The following PCDH11X variants were observed in gnomAD, a reference collection of about 807,000 sequenced individuals.
PCDH11X encodes protocadherin-11 X-linked.
Under a neutral mutation model 53.3 loss-of-function variants are expected in PCDH11X, and 18 were observed. That is an observed-to-expected ratio of 0.34 (90% CI 0.23 to 0.50). The LOEUF is 0.50. PCDH11X is among the 20% of genes least tolerant of loss of function. The pLI is 0.98. For synonymous variants in PCDH11X, 279 were observed against 393.3 expected (o/e 0.71, Z 3.44); for missense variants, 570 against 1,032.4 (o/e 0.55, Z 6.14).
In PCDH11X at chrX:92,473,895, T is replaced by C. The variant is rs141187169; in HGVS notation, c.3367+5573T>C. On this transcript the variant is annotated intron_variant, in intron 10 of 10. Coordinates refer to ENST00000682573, the MANE Select transcript of PCDH11X (RefSeq NM_032968.5). ...GACCTTTCCTTGAGAATGATCTATT[T>C]GCTGAGGAGAAAAATGTGTATTCTG... Among the ~76,000 whole-genome samples, 461 of 111,865 alleles carry C rather than the reference T, an allele frequency of 4.1e-3. 4 individuals carry two copies. In the South Asian group the frequency reaches 0.046, roughly 11 times the overall value.
At chrX:91,943,277 T>A (rs2061532086) in intron 6 of PCDH11X, among the ~76,000 whole-genome samples, 1 of 106,238 alleles carries the variant, frequency 9.4e-6, no homozygotes, top group East Asian at 3.0e-4. Flanking sequence ...TAATGATGTG[T>A]CAGTGTAGGT....
chrX:92,316,014 A>AC (rs2069067533), intron 8 of PCDH11X, among the ~76,000 whole-genome samples: 2 of 62,971 alleles, frequency 3.2e-5, no homozygotes, highest in Non-Finnish European at 2.9e-5. Context: ...CAACATGAAT[A>AC]TTACATTAAT....
At chrX:92,032,133 A>AT (rs34381302) in intron 6 of PCDH11X, among the ~76,000 whole-genome samples, 15 of 110,858 alleles carry the variant, frequency 1.4e-4, no homozygotes, top group Non-Finnish European at 1.9e-4. Context: ...ATGTCTTTCC[A>AT]TTTTTTTTGT....
intron 6 of PCDH11X, among the ~76,000 whole-genome samples, chrX:92,147,440 C>T (rs1319673932): frequency 2.7e-5 from 3 of 111,426 alleles, no homozygotes; most frequent in Non-Finnish European, 3.8e-5. Context: ...GAAAGGAAAA[C>T]GTCTTCACTG....
chrX:92,449,659 A>G (rs977520202), intron 9 of PCDH11X, among the ~76,000 whole-genome samples: 5 of 111,407 alleles, frequency 4.5e-5, no homozygotes, highest in Non-Finnish European at 5.7e-5. Context: ...TGAATCATAC[A>G]TGAGAGCTCA....
intron 6 of PCDH11X, among the ~76,000 whole-genome samples, chrX:91,900,868 T>C (rs1940926070): frequency 9.0e-6 from 1 of 111,593 alleles, no homozygotes; most frequent in Non-Finnish European, 1.9e-5. Context: ...TGGCACTTAA[T>C]TAAGGAAACT....
intron 9 of PCDH11X, among the ~76,000 whole-genome samples, chrX:92,465,811 G>A (rs1442306022): frequency 9.0e-6 from 1 of 110,545 alleles, no homozygotes; most frequent in Non-Finnish European, 1.9e-5. Context: ...TCTTTAAAAT[G>A]TATGTTTTCT....
At chrX:91,919,918 A>G (rs1423137142) in intron 6 of PCDH11X, among the ~76,000 whole-genome samples, 1 of 111,746 alleles carries the variant, frequency 8.9e-6, no homozygotes, top group East Asian at 2.8e-4. Flanking sequence ...ATATTTTTCA[A>G]ATAAATAACT....
intron 6 of PCDH11X, among the ~76,000 whole-genome samples, chrX:92,155,764 C>A (rs1347224481): frequency 9.1e-6 from 1 of 109,309 alleles, no homozygotes; most frequent in African/African-American, 3.3e-5. Context: ...GTAGCTGGGA[C>A]TACAGGGGCC....
chrX:92,498,519 A>C, intron 10 of PCDH11X, among the ~76,000 whole-genome samples: 1 of 110,538 alleles, frequency 9.0e-6, no homozygotes, highest in Non-Finnish European at 1.9e-5. Context: ...TCTGCTGCCC[A>C]GTTTCTTAAA....
intron 6 of PCDH11X, among the ~76,000 whole-genome samples, chrX:91,905,100 TA>T (rs1941103285): frequency 1.8e-5 from 1 of 56,023 alleles, no homozygotes; most frequent in African/African-American, 6.3e-5. Context: ...CTTTTTTGTT[TA>T]TTATTATTAT....
At chrX:92,190,861 A>G (rs2148306823) in intron 6 of PCDH11X, among the ~76,000 whole-genome samples, 1 of 111,723 alleles carries the variant, frequency 9.0e-6, no homozygotes, top group South Asian at 3.7e-4. Flanking sequence ...TAAACTGAAG[A>G]ACTTTTCACT....
intron 6 of PCDH11X, among the ~76,000 whole-genome samples, chrX:92,146,019 T>C (rs1042892847): frequency 9.4e-6 from 1 of 106,587 alleles, no homozygotes; most frequent in African/African-American, 3.4e-5. Flanking sequence ...GCAAATGTGC[T>C]TTGCACATAA....
chrX:92,581,479 C>T (rs753075141), intron 10 of PCDH11X, among the ~76,000 whole-genome samples: 1 of 112,012 alleles, frequency 8.9e-6, no homozygotes, highest in South Asian at 3.8e-4. Context: ...CCTTGGCCCT[C>T]ATTCTCTCTT....
At chrX:92,542,568 T>C (rs757930894) in intron 10 of PCDH11X, among the ~76,000 whole-genome samples, 51 of 111,195 alleles carry the variant, frequency 4.6e-4, no homozygotes, top group Middle Eastern at 9.3e-3. Context: ...GGATTCACAA[T>C]ATATTATCAA....
At chrX:91,780,832 A>G (rs1935109604) in intron 1 of PCDH11X, among the ~76,000 whole-genome samples, 2 of 113,026 alleles carry the variant, frequency 1.8e-5, no homozygotes, top group Admixed American at 9.3e-5. Context: ...CTTAGTCGCA[A>G]AAGGACTGAG....
intron 8 of PCDH11X, among the ~76,000 whole-genome samples, chrX:92,303,490 G>A (rs1427235194): frequency 2.7e-5 from 3 of 110,645 alleles, no homozygotes; most frequent in African/African-American, 9.9e-5. Flanking sequence ...CTCCAACTGA[G>A]GTAAATATAA....
At chrX:92,457,570 T>C (rs1001378194) in intron 9 of PCDH11X, among the ~76,000 whole-genome samples, 1 of 109,709 alleles carries the variant, frequency 9.1e-6, no homozygotes, top group Non-Finnish European at 1.9e-5. Flanking sequence ...TCCAAAACCA[T>C]ACTTTCGTTT....
At chrX:92,021,805 A>T (rs1189714993) in intron 6 of PCDH11X, among the ~76,000 whole-genome samples, 1 of 109,445 alleles carries the variant, frequency 9.1e-6, no homozygotes, top group Non-Finnish European at 1.9e-5. Flanking sequence ...GAAGCCCATC[A>T]TACTAACAGC....
Sources: allele counts gnomAD v4.1 joint callset (sites outside exome capture counted in the v4.1 genomes callset), GRCh38; gene constraint gnomAD v4.1.1; transcripts MANE v1.5; gene names NCBI Gene and HGNC (gene_info 2026-07-23, HGNC 2026-07-21).